The following ZNF664 variants were observed in gnomAD, a reference collection of about 807,000 sequenced individuals.
The protein encoded by ZNF664 is zinc finger Organ of Corti 1.
Under a neutral mutation model 18.2 loss-of-function variants are expected in ZNF664, and 10 were observed. The ratio of observed to expected loss-of-function variants is 0.55; its 90% CI spans 0.34 to 0.93. The LOEUF (loss-of-function observed/expected upper bound fraction) is 0.93, where lower values mean the gene tolerates loss of function less well. Among genes scored for constraint, ZNF664 ranks in the 40% least tolerant of loss-of-function variants. The pLI is 0.02. For missense variants in ZNF664, 193 were observed against 319.0 expected (o/e 0.61, Z 3.01); for synonymous variants, 119 against 104.2 (o/e 1.14, Z -0.86).
At chr12:123,978,604 T>C (rs764042414) in intron 2 of ZNF664, among the ~76,000 whole-genome samples, 3 of 152,208 alleles carry the variant, frequency 2.0e-5, no homozygotes, top group Non-Finnish European at 1.5e-5. Flanking sequence ...ATGATTTCAA[T>C]GTAATTACAA....
intron 3 of ZNF664, among the ~76,000 whole-genome samples, chr12:123,990,225 G>A (rs1322495094): frequency 6.6e-6 from 1 of 152,198 alleles, no homozygotes; most frequent in African/African-American, 2.4e-5. Flanking sequence ...GTGTATATAT[G>A]TAACACTACT....
intron 1 of ZNF664, 43 bp from the exon 2 acceptor site, chr12:123,973,843 G>A (rs1351836245): frequency 3.4e-6 from 4 of 1,170,898 alleles, no homozygotes; most frequent in African/African-American, 3.3e-5. Flanking sequence ...GAGCCGGGCG[G>A]CTGCGGAGGA....
intron 2 of ZNF664, chr12:123,974,276 A>G (rs1956653062): frequency 5.3e-6 from 2 of 373,848 alleles, no homozygotes; most frequent in Non-Finnish European, 9.5e-6. Context: ...GCCTGCTCCG[A>G]ACTGAACTGT....
intron 2 of ZNF664, among the ~76,000 whole-genome samples, chr12:123,975,282 C>T (rs1260527815): frequency 6.6e-6 from 1 of 152,146 alleles, no homozygotes; most frequent in Non-Finnish European, 1.5e-5. Flanking sequence ...TCACAGAGCA[C>T]TACAGATAGT....
Position 124,011,803 on chromosome 12 carries a change from G to C in ZNF664, c.-342G>C. On this transcript the variant is annotated 5_prime_UTR_variant, in exon 5 of 5. Transcript: ENST00000337815. ...TACTCTACAAGAGGAAGATTCCAGG[G>C]GCTCAAAAACGCAAAGGTTTGCACT... 1 of 1,115,386 alleles carries C rather than the reference G, an allele frequency of 9.0e-7. No individual in the cohort carries two copies. The highest frequency in any genetic ancestry group is 1.1e-6 in the Non-Finnish European group (1 of 917,024). 69.1% of individuals were successfully genotyped at this position (1,115,386 alleles called of 1,614,324 possible). A position where few individuals can be genotyped will look rare whatever the true frequency, so the allele number is the denominator to read the frequency against.
At position 124,011,902 on chromosome 12, in the gene ZNF664, G is replaced by T. The variant is rs564866999; in HGVS notation, c.-243G>T. The T allele has an allele frequency of 2.3e-6, 3 of 1,299,080 alleles. No homozygotes were observed. The highest frequency in any genetic ancestry group is 3.0e-5 in the African/African-American group (2 of 66,216). 80.5% of individuals were successfully genotyped at this position (1,299,080 alleles called of 1,614,324 possible). On this transcript the variant is annotated 5_prime_UTR_variant, in exon 5 of 5. Coordinates refer to ENST00000337815, the MANE Select transcript of ZNF664 (RefSeq NM_152437.3). ...TGTGTTAATGAGTTACAGAATTCACGTGGAAGTCAATGTCACTTTATAATC... is the reference window on the plus strand; with the variant it reads ...TGTGTTAATGAGTTACAGAATTCACTTGGAAGTCAATGTCACTTTATAATC...
At position 124,013,197 on chromosome 12, in the gene ZNF664, C is replaced by T. The variant is rs1035015442; in HGVS notation, c.*267C>T. On this transcript the variant is annotated 3_prime_UTR_variant, in exon 5 of 5. Transcript: ENST00000337815. Reference sequence around the variant, plus strand: ...TTCCTGGGATTCCAGCACGATGCCTCCATAGTTGAAAGACTACACAAAAAG... The same window carrying T: ...TTCCTGGGATTCCAGCACGATGCCTTCATAGTTGAAAGACTACACAAAAAG... 4.0e-6 allele frequency: 2 copies of T among 496,578 alleles called. No individual in the cohort carries two copies. Among genetic ancestry groups the T allele is most frequent in the East Asian group, 4.1e-5 (1 of 24,690 alleles). 30.8% of individuals were successfully genotyped at this position (496,578 alleles called of 1,614,324 possible).
chr12:123,980,930 C>G (rs952252548), intron 2 of ZNF664, among the ~76,000 whole-genome samples: 15 of 152,042 alleles, frequency 9.9e-5, no homozygotes, highest in African/African-American at 3.6e-4. Flanking sequence ...TAGACATGAG[C>G]ACTTTTTTTT....
chr12:123,975,876 G>T (rs1273776932), intron 2 of ZNF664, among the ~76,000 whole-genome samples: 1 of 152,204 alleles, frequency 6.6e-6, no homozygotes, highest in South Asian at 2.1e-4. Flanking sequence ...GGCAGCAGCA[G>T]ATTCAGATTA....
At chr12:124,001,373 C>G (rs1566205055) in intron 3 of ZNF664, among the ~76,000 whole-genome samples, 2 of 152,210 alleles carry the variant, frequency 1.3e-5, no homozygotes, top group East Asian at 3.9e-4. Context: ...AAAACAAAAG[C>G]TAACCGCTCT....
chr12:123,986,406 G>A (rs993833466), intron 2 of ZNF664, among the ~76,000 whole-genome samples: 2 of 152,120 alleles, frequency 1.3e-5, no homozygotes, highest in Non-Finnish European at 2.9e-5. Context: ...TTCTCCTCTT[G>A]CTGCCATCTG....
intron 3 of ZNF664, among the ~76,000 whole-genome samples, chr12:123,995,644 A>T (rs983492415): frequency 1.4e-4 from 22 of 152,130 alleles, no homozygotes; most frequent in Non-Finnish European, 3.1e-4. Context: ...ACAGAAATGG[A>T]CTCTAGCTAA....
intron 3 of ZNF664, among the ~76,000 whole-genome samples, chr12:124,005,485 G>GTGTA (rs1368100155): frequency 9.2e-6 from 1 of 109,036 alleles, no homozygotes; most frequent in Admixed American, 8.7e-5. Context: ...TTTATAGAAT[G>GTGTA]TGTGTGTGTG....
chr12:123,984,296 A>G (rs563087071), intron 2 of ZNF664, among the ~76,000 whole-genome samples: 1 of 152,344 alleles, frequency 6.6e-6, no homozygotes, highest in East Asian at 1.9e-4. Context: ...GAGTGTGGCC[A>G]GTAATGTCCA....
intron 2 of ZNF664, among the ~76,000 whole-genome samples, chr12:123,974,712 A>AG (rs1362722388): frequency 6.6e-6 from 1 of 152,212 alleles, no homozygotes; most frequent in Non-Finnish European, 1.5e-5. Flanking sequence ...TGCACTTAAC[A>AG]TCATTTTTGA....
intron 3 of ZNF664, among the ~76,000 whole-genome samples, chr12:123,991,526 TTAAAA>T (rs1424522520): frequency 6.6e-6 from 1 of 152,196 alleles, no homozygotes; most frequent in Non-Finnish European, 1.5e-5. Flanking sequence ...CATGCACTAA[TTAAAA>T]TAAAGGAAAT....
At chr12:123,994,549 A>G (rs926617663) in intron 3 of ZNF664, among the ~76,000 whole-genome samples, 1 of 152,212 alleles carries the variant, frequency 6.6e-6, no homozygotes, top group Non-Finnish European at 1.5e-5. Context: ...ATCTGCTTCT[A>G]TATTCAGTCT....
chr12:123,989,894 TA>T, intron 3 of ZNF664, among the ~76,000 whole-genome samples: 1 of 92,072 alleles, frequency 1.1e-5, no homozygotes, highest in East Asian at 2.2e-4. Context: ...ATTCTATTCT[TA>T]GGATTCTCAT....
intron 2 of ZNF664, among the ~76,000 whole-genome samples, chr12:123,979,658 CGTTTT>C (rs1323412114): frequency 6.6e-6 from 1 of 151,934 alleles, no homozygotes; most frequent in African/African-American, 2.4e-5. Flanking sequence ...TATCAAGTAG[CGTTTT>C]GTTTTTTGTG....
Sources: gnomAD v4.1 joint callset for allele counts (sites outside exome capture counted in the v4.1 genomes callset) on GRCh38, gnomAD v4.1.1 for gene constraint, MANE v1.5 for transcripts, NCBI Gene and HGNC (gene_info 2026-07-23, HGNC 2026-07-21) for gene names.